The following GRIN2B variants were observed in gnomAD, a reference collection of about 807,000 sequenced individuals.
The protein encoded by GRIN2B is glutamate receptor ionotropic, NMDA 2B.
A neutral mutation model predicts 114.5 loss-of-function variants in GRIN2B; 5 were observed. The observed-to-expected ratio is 0.04, with a 90% confidence interval of 0.02 to 0.09. GRIN2B has a LOEUF of 0.09. GRIN2B is among the 10% of genes least tolerant of loss of function. The pLI, the probability that GRIN2B is intolerant of heterozygous loss-of-function variation, is 1.00. For synonymous variants in GRIN2B, 787 were observed against 745.1 expected (o/e 1.06, Z -0.92); for missense variants, 1,108 against 1,943.5 (o/e 0.57, Z 8.08).
intron 4 of GRIN2B, among the ~76,000 whole-genome samples, chr12:13,695,010 G>C (rs1950248294): frequency 6.6e-6 from 1 of 151,972 alleles, no homozygotes; most frequent in African/African-American, 2.4e-5. Flanking sequence ...AGAATTAAGA[G>C]GATTTAAAGT....
At chr12:13,746,908 G>A (rs1303216570) in intron 4 of GRIN2B, among the ~76,000 whole-genome samples, 1 of 152,108 alleles carries the variant, frequency 6.6e-6, no homozygotes, top group African/African-American at 2.4e-5. Context: ...GAAGTTTCCT[G>A]AGGCCCTGAC....
At chr12:13,809,578 T>C (rs1028807101) in intron 3 of GRIN2B, among the ~76,000 whole-genome samples, 4 of 152,182 alleles carry the variant, frequency 2.6e-5, no homozygotes, top group African/African-American at 7.2e-5. Context: ...TTGCCAAAGA[T>C]AGAATTCATA....
At chr12:13,869,055 C>A (rs1865866938) in intron 2 of GRIN2B, among the ~76,000 whole-genome samples, 1 of 152,130 alleles carries the variant, frequency 6.6e-6, no homozygotes, top group African/African-American at 2.4e-5. Flanking sequence ...AGCATTGCTT[C>A]CTTTGGGCTC....
chr12:13,672,303 C>T (rs1031544918), intron 5 of GRIN2B, among the ~76,000 whole-genome samples: 2 of 152,124 alleles, frequency 1.3e-5, no homozygotes, highest in African/African-American at 4.8e-5. Flanking sequence ...GCTGACAGTC[C>T]TATCTGTAGC....
intron 3 of GRIN2B, among the ~76,000 whole-genome samples, chr12:13,769,948 G>A (rs140309694): frequency 2.3e-4 from 35 of 152,294 alleles, no homozygotes; most frequent in Middle Eastern, 3.4e-3. Context: ...TAAACTATGC[G>A]GAAAGTTAGC....
Position 13,615,796 on chromosome 12 carries a change from AC to A in GRIN2B, c.1329-133del, listed in dbSNP as rs1432889352. 1.3e-6 allele frequency: 1 copy of A among 748,010 alleles called. No homozygotes were observed. The highest frequency in any genetic ancestry group is 2.4e-6 in the Non-Finnish European group (1 of 415,394). 46.3% of individuals were successfully genotyped at this position (748,010 alleles called of 1,614,324 possible). Reference sequence around the variant, plus strand: ...CCCTTCACAGCTCAGCACAATTTATACTAGACTCGAGTGAAGAAATAAAGCA... The same window carrying A: ...CCCTTCACAGCTCAGCACAATTTATATAGACTCGAGTGAAGAAATAAAGCA... On this transcript the variant is annotated intron_variant, in intron 6 of 13. Transcript: ENST00000609686. This position sits in a 1 kb window ranked among gnomAD's most constrained non-coding sequence, Gnocchi z 5.8.
intron 2 of GRIN2B, among the ~76,000 whole-genome samples, chr12:13,906,489 T>C (rs1866536328): frequency 6.6e-6 from 1 of 152,260 alleles, no homozygotes; most frequent in Non-Finnish European, 1.5e-5. Flanking sequence ...AATGTCTCAC[T>C]TGATCTAGAG....
chr12:13,922,815 A>G (rs1177352559), intron 2 of GRIN2B, among the ~76,000 whole-genome samples: 2 of 152,192 alleles, frequency 1.3e-5, no homozygotes, highest in African/African-American at 4.8e-5. Flanking sequence ...TAAAATCTCC[A>G]TGGAATTGTC....
intron 4 of GRIN2B, among the ~76,000 whole-genome samples, chr12:13,736,902 C>T (rs1440565882): frequency 6.6e-6 from 1 of 151,430 alleles, no homozygotes; most frequent in African/African-American, 2.4e-5. Flanking sequence ...GTGCCTGTAG[C>T]GCCTATAATC....
intron 3 of GRIN2B, among the ~76,000 whole-genome samples, chr12:13,804,132 T>C (rs959749702): frequency 6.6e-6 from 1 of 151,708 alleles, no homozygotes; most frequent in Non-Finnish European, 1.5e-5. Flanking sequence ...CTGATCTCAC[T>C]GTACCTTGTC....
chr12:13,631,156 C>T (rs1949612663), intron 5 of GRIN2B, among the ~76,000 whole-genome samples: 1 of 152,158 alleles, frequency 6.6e-6, no homozygotes, highest in Admixed American at 6.5e-5. Context: ...GTTGGCAACG[C>T]AGAGCCAAAC....
At chr12:13,895,807 C>T (rs761564633) in intron 2 of GRIN2B, among the ~76,000 whole-genome samples, 1 of 152,070 alleles carries the variant, frequency 6.6e-6, no homozygotes, top group Non-Finnish European at 1.5e-5. Flanking sequence ...TCTTTTCATG[C>T]TATGTGAGCT....
At chr12:13,679,263 A>G (rs1174673511) in intron 4 of GRIN2B, among the ~76,000 whole-genome samples, 10 of 152,206 alleles carry the variant, frequency 6.6e-5, no homozygotes, top group African/African-American at 2.4e-4. Context: ...AAATAATTCA[A>G]TTAATAAGCA....
intron 5 of GRIN2B, among the ~76,000 whole-genome samples, chr12:13,646,347 A>G (rs1209644860): frequency 6.6e-6 from 1 of 152,102 alleles, no homozygotes; most frequent in Non-Finnish European, 1.5e-5. Context: ...TCCCATATAC[A>G]GGAATAAAGG....
chr12:13,663,609 T>G (rs1949945873), intron 5 of GRIN2B, among the ~76,000 whole-genome samples: 1 of 152,190 alleles, frequency 6.6e-6, no homozygotes, highest in Non-Finnish European at 1.5e-5. Context: ...ATTTTATTAT[T>G]AATTAAGACT....
chr12:13,825,496 T>TTTTTG (rs375940899), intron 3 of GRIN2B, among the ~76,000 whole-genome samples: 3 of 122,994 alleles, frequency 2.4e-5, no homozygotes, highest in East Asian at 2.2e-4. Flanking sequence ...TATATATATT[T>TTTTTG]TGTGTGTGTG....
intron 9 of GRIN2B, among the ~76,000 whole-genome samples, chr12:13,609,222 T>C (rs978539415): frequency 6.6e-6 from 1 of 152,216 alleles, no homozygotes; most frequent in African/African-American, 2.4e-5. Context: ...CATTTTTTCC[T>C]AAATTTTATA....
chr12:13,982,132 G>C (rs539341301), upstream of GRIN2B, among the ~76,000 whole-genome samples: 1 of 151,860 alleles, frequency 6.6e-6, no homozygotes, highest in Admixed American at 6.5e-5. Flanking sequence ...TGGTAAGGTG[G>C]ATGGAAGGGG....
In GRIN2B at chr12:13,549,707, T is replaced by C. The variant is rs1179053655; in HGVS notation, c.*13076A>G. The C allele has an allele frequency of 6.6e-6, 1 of 152,150 alleles. No individual in the cohort carries two copies. The highest frequency in any genetic ancestry group is 1.5e-5 in the Non-Finnish European group (1 of 68,022). 9.4% of individuals were successfully genotyped at this position (152,150 alleles called of 1,614,324 possible). ...GCTACCTAAAAAAAATTTTTAATAA[T>C]AAAAAATTATTCACAATATCTTACC... On this transcript the variant is annotated 3_prime_UTR_variant, in exon 14 of 14. Coordinates refer to ENST00000609686, the MANE Select transcript of GRIN2B (RefSeq NM_000834.5).
Sources: allele counts gnomAD v4.1 joint callset (sites outside exome capture counted in the v4.1 genomes callset), GRCh38; gene constraint gnomAD v4.1.1; non-coding constraint Gnocchi (gnomAD v3.1); transcripts MANE v1.5; gene names NCBI Gene and HGNC (gene_info 2026-07-23, HGNC 2026-07-21).